The following EHBP1 variants were observed in gnomAD, a reference collection of about 807,000 sequenced individuals.
EHBP1 encodes EH domain-binding protein 1.
EHBP1 carries 55 observed loss-of-function variants against 144.0 expected under a neutral mutation model. The ratio of observed to expected loss-of-function variants is 0.38; its 90% CI spans 0.31 to 0.48. The LOEUF is 0.48. Ranked by LOEUF, EHBP1 falls within the 20% of genes least tolerant of loss-of-function variation. The pLI is 0.98. For synonymous variants in EHBP1, 469 were observed against 472.7 expected (o/e 0.99, Z 0.10); for missense variants, 1,200 against 1,364.2 (o/e 0.88, Z 1.90).
At chr2:62,962,241 G>A (rs544748916) in intron 14 of EHBP1, among the ~76,000 whole-genome samples, 7 of 152,240 alleles carry the variant, frequency 4.6e-5, no homozygotes, top group African/African-American at 1.2e-4. Context: ...CACAGGAATC[G>A]CTTGAACCCA....
chr2:63,033,837 A>G (rs1378208972), intron 19 of EHBP1, among the ~76,000 whole-genome samples: 2 of 152,116 alleles, frequency 1.3e-5, no homozygotes, highest in Non-Finnish European at 2.9e-5. Context: ...AACACTGACT[A>G]TTGCATGTAC....
At position 62,902,841 on chromosome 2, in the gene EHBP1, G is replaced by A. The variant is rs964202270; in HGVS notation, c.1185+28309G>A. On this transcript the variant is annotated intron_variant, in intron 10 of 22. Coordinates refer to ENST00000431489, the MANE Select transcript of EHBP1 (RefSeq NM_001142616.3). ...TTCATTATATTTTGCTTTGTTTCAT[G>A]TAAAAATAGTTGGTTTATTTTAAAA... 2.0e-5 allele frequency among the ~76,000 whole-genome samples: 3 copies of A among 152,122 alleles called. No individual in the cohort carries two copies. In the East Asian group the frequency reaches 5.8e-4, roughly 29 times the overall value.
intron 1 of EHBP1, among the ~76,000 whole-genome samples, chr2:62,684,070 A>G (rs1572860703): frequency 6.6e-6 from 1 of 152,186 alleles, no homozygotes; most frequent in South Asian, 2.1e-4. Context: ...AGTTTATTAT[A>G]TTATAGTATT....
At chr2:62,749,787 A>G (rs2039505851) in intron 3 of EHBP1, among the ~76,000 whole-genome samples, 2 of 152,158 alleles carry the variant, frequency 1.3e-5, no homozygotes, top group African/African-American at 2.4e-5. Context: ...TCTTCTTTTG[A>G]GAAGTGTCTG....
chr2:62,822,378 T>A (rs1380470782), intron 5 of EHBP1, among the ~76,000 whole-genome samples: 1 of 152,200 alleles, frequency 6.6e-6, no homozygotes, highest in Non-Finnish European at 1.5e-5. Flanking sequence ...AAGTAAACAT[T>A]CTGCATTGAA....
intron 7 of EHBP1, among the ~76,000 whole-genome samples, chr2:62,833,226 A>C (rs1446129900): frequency 6.6e-6 from 1 of 152,226 alleles, no homozygotes; most frequent in African/African-American, 2.4e-5. Context: ...AAAAGTTTGA[A>C]GCTAGCAGAG....
intron 12 of EHBP1, among the ~76,000 whole-genome samples, chr2:62,944,683 G>A (rs1370615914): frequency 6.6e-6 from 1 of 152,156 alleles, no homozygotes; most frequent in Non-Finnish European, 1.5e-5. Flanking sequence ...GGGGCAAGGG[G>A]ATATCGATCC....
intron 2 of EHBP1, among the ~76,000 whole-genome samples, chr2:62,742,824 ATAATT>A (rs1221363855): frequency 6.6e-6 from 1 of 152,164 alleles, no homozygotes; most frequent in Non-Finnish European, 1.5e-5. Flanking sequence ...TTTAAACAAA[ATAATT>A]TATTTAATTC....
At chr2:62,849,303 GGA>G (rs1364958852) in intron 7 of EHBP1, among the ~76,000 whole-genome samples, 2 of 151,762 alleles carry the variant, frequency 1.3e-5, no homozygotes, top group Admixed American at 6.6e-5. Flanking sequence ...CAGGCCACTT[GGA>G]GAGAGAGAGA....
intron 10 of EHBP1, among the ~76,000 whole-genome samples, chr2:62,897,893 A>G (rs1211246707): frequency 6.6e-6 from 1 of 152,158 alleles, no homozygotes; most frequent in African/African-American, 2.4e-5. Flanking sequence ...CTGTATCTGC[A>G]TTAATGTAGT....
rs952854118 is a variant in EHBP1, at chr2:62,745,497, T to TTG, written c.105-1888_105-1887dup. 2.9e-4 allele frequency among the ~76,000 whole-genome samples: 44 copies of TTG among 152,022 alleles called. 1 individual carries two copies. Among genetic ancestry groups the TTG allele is most frequent in the South Asian group, 1.0e-3 (5 of 4,810 alleles). ...TAGAAAAATGGAAGAGGAAGTTTTT[T>TTG]TGTGTGTGTGTTTTTTTAAACATTG... On this transcript the variant is annotated intron_variant, in intron 2 of 22. Transcript: ENST00000431489.
chr2:62,700,431 T>G (rs1428461175), intron 1 of EHBP1, among the ~76,000 whole-genome samples: 1 of 152,030 alleles, frequency 6.6e-6, no homozygotes, highest in Non-Finnish European at 1.5e-5. Context: ...ATCACTATGT[T>G]GGGGGAAGGG....
chr2:62,894,927 A>AGAGAGAGAGAGAGAGAGAGAG (rs71410972), intron 10 of EHBP1, among the ~76,000 whole-genome samples: 57 of 141,210 alleles, frequency 4.0e-4, no homozygotes, highest in South Asian at 9.5e-4. Context: ...AACAGAAAGA[A>AGAGAGAGAGAGAGAGAGAGAG]AGAGAGAGAG....
chr2:62,916,904 T>A (rs895402483), intron 10 of EHBP1, among the ~76,000 whole-genome samples: 1 of 151,288 alleles, frequency 6.6e-6, no homozygotes, highest in Admixed American at 6.6e-5. Flanking sequence ...GCTATTACAA[T>A]ATGCAATATT....
At chr2:62,933,728 A>G (rs942429409) in intron 10 of EHBP1, among the ~76,000 whole-genome samples, 10 of 152,190 alleles carry the variant, frequency 6.6e-5, no homozygotes, top group Admixed American at 1.3e-4. Context: ...CAAAGTTCCA[A>G]TTCTTGTGGT....
chr2:62,855,241 G>T (rs536943969), intron 7 of EHBP1, among the ~76,000 whole-genome samples: 4 of 152,328 alleles, frequency 2.6e-5, no homozygotes, highest in African/African-American at 9.6e-5. Context: ...CTGAGCTCGG[G>T]TGCTGTCACA....
chr2:62,942,589 G>A (rs571450557), intron 10 of EHBP1, 129 bp from the exon 11 acceptor site: 49 of 704,832 alleles, frequency 7.0e-5, no homozygotes, highest in Middle Eastern at 3.7e-4. Context: ...TACAGTTGTC[G>A]TGAATTGACA....
intron 19 of EHBP1, among the ~76,000 whole-genome samples, chr2:63,014,744 G>A (rs539984277): frequency 1.4e-4 from 22 of 152,300 alleles, no homozygotes; most frequent in African/African-American, 2.6e-4. Context: ...TTGGGAGGCC[G>A]AAGCAGGTGG....
chr2:62,759,384 G>C (rs2040570429), intron 3 of EHBP1, among the ~76,000 whole-genome samples: 1 of 152,088 alleles, frequency 6.6e-6, no homozygotes, highest in Non-Finnish European at 1.5e-5. Context: ...TCATAGTGCT[G>C]ATGTTTGCCA....
Sources: allele counts gnomAD v4.1 joint callset (sites outside exome capture counted in the v4.1 genomes callset), GRCh38; gene constraint gnomAD v4.1.1; transcripts MANE v1.5; gene names NCBI Gene and HGNC (gene_info 2026-07-23, HGNC 2026-07-21).